The following INTS9 variants were observed in gnomAD, a reference collection of about 807,000 sequenced individuals.
INTS9 encodes protein related to CPSF subunits of 74 kDa.
In INTS9, 55 loss-of-function variants were observed where a neutral mutation model predicts 79.7. The observed-to-expected ratio is 0.69, with a 90% CI of 0.56 to 0.86. The LOEUF is 0.86. Among genes scored for constraint, INTS9 ranks in the 40% least tolerant of loss-of-function variants. INTS9 has a pLI of 0.00. For missense variants in INTS9, 721 were observed against 831.5 expected (o/e 0.87, Z 1.64); for synonymous variants, 319 against 325.2 (o/e 0.98, Z 0.20).
intron 6 of INTS9, among the ~76,000 whole-genome samples, chr8:28,831,549 A>G (rs987982306): frequency 1.3e-5 from 2 of 152,126 alleles, no homozygotes; most frequent in African/African-American, 4.8e-5. Context: ...AGCCTCATTC[A>G]TACTCTCCGT....
At chr8:28,859,766 C>T (rs913600234) in intron 1 of INTS9, 2 of 649,658 alleles carry the variant, frequency 3.1e-6, no homozygotes, top group African/African-American at 3.6e-5. Flanking sequence ...CAGATCACAC[C>T]CATCTGTCTT....
At chr8:28,854,029 C>G (rs1808006208) in intron 2 of INTS9, among the ~76,000 whole-genome samples, 1 of 152,028 alleles carries the variant, frequency 6.6e-6, no homozygotes, top group Non-Finnish European at 1.5e-5. Flanking sequence ...CCCACAATTT[C>G]TTTTTTATTT....
At chr8:28,819,700 G>A (rs1301176327) in intron 6 of INTS9, among the ~76,000 whole-genome samples, 1 of 151,956 alleles carries the variant, frequency 6.6e-6, no homozygotes, top group South Asian at 2.1e-4. Flanking sequence ...TCAATTCCTG[G>A]GTATCCTTAT....
At chr8:28,855,985 A>T (rs1233930097) in intron 2 of INTS9, among the ~76,000 whole-genome samples, 7 of 152,244 alleles carry the variant, frequency 4.6e-5, no homozygotes, top group African/African-American at 1.7e-4. Context: ...TAAATTGGTA[A>T]AGGCAATTAG....
At chr8:28,877,948 T>C (rs1342703884) in intron 1 of INTS9, among the ~76,000 whole-genome samples, 4 of 152,168 alleles carry the variant, frequency 2.6e-5, no homozygotes, top group Non-Finnish European at 4.4e-5. Flanking sequence ...CTAAAAGTAT[T>C]TGAAAGCAGT....
chr8:28,870,349 C>CTTTTTTT (rs10580665), intron 1 of INTS9, among the ~76,000 whole-genome samples: 5 of 80,574 alleles, frequency 6.2e-5, no homozygotes, highest in African/African-American at 9.6e-5. Flanking sequence ...CAGAAAAAAG[C>CTTTTTTT]TTTTTTTTTT....
intron 8 of INTS9, among the ~76,000 whole-genome samples, chr8:28,808,676 A>G (rs555240075): frequency 3.3e-5 from 5 of 152,210 alleles, no homozygotes; most frequent in Non-Finnish European, 7.3e-5. Context: ...ACCATTCTCA[A>G]TGTCATGCAG....
At chr8:28,787,535 C>G (rs1173929180) in intron 11 of INTS9, among the ~76,000 whole-genome samples, 1 of 152,188 alleles carries the variant, frequency 6.6e-6, no homozygotes, top group Non-Finnish European at 1.5e-5. Flanking sequence ...TGATTTCAGA[C>G]TTTCAAATTT....
rs752918898 is a variant in INTS9, at chr8:28,780,887, G to A, written c.1206C>T (p.Phe402=). ...VVFTGHPSLR[F]GDVVHFMELW... ...GCTCCATGAAGTGGACCACGTCCCC[G>A]AAGCGGAGGGAAGGGTGCCCGGTGA... is the stretch of plus-strand genomic sequence containing the variant. Residue 402 remains phenylalanine (F), a synonymous_variant, in exon 12 of 17, where the codon TTC becomes TTT. Coordinates refer to ENST00000521022, the MANE Select transcript of INTS9 (RefSeq NM_018250.4). 1.1e-5 allele frequency: 18 copies of A among 1,614,000 alleles called. No individual in the cohort carries two copies. The highest frequency in any genetic ancestry group is 4.5e-5 in the East Asian group (2 of 44,900).
At chr8:28,786,939 G>A (rs574757888) in intron 11 of INTS9, among the ~76,000 whole-genome samples, 4 of 151,856 alleles carry the variant, frequency 2.6e-5, no homozygotes, top group Non-Finnish European at 2.9e-5. Context: ...GGATGGTCTC[G>A]ATCTCCTGAC....
At chr8:28,877,244 CT>C (rs1809444275) in intron 1 of INTS9, among the ~76,000 whole-genome samples, 2 of 151,796 alleles carry the variant, frequency 1.3e-5, no homozygotes, top group Admixed American at 1.3e-4. Context: ...TAGTTTACTA[CT>C]GGAATATTAA....
intron 2 of INTS9, among the ~76,000 whole-genome samples, chr8:28,854,997 G>A (rs1203689010): frequency 6.6e-6 from 1 of 152,128 alleles, no homozygotes; most frequent in Non-Finnish European, 1.5e-5. Flanking sequence ...GTATTCCATG[G>A]TGAACAGCCC....
At chr8:28,869,060 C>T (rs549461553) in intron 1 of INTS9, among the ~76,000 whole-genome samples, 1 of 152,004 alleles carries the variant, frequency 6.6e-6, no homozygotes, top group Non-Finnish European at 1.5e-5. Flanking sequence ...CACCATTGCA[C>T]TCCATCCTGG....
rs774785377 is a variant in INTS9, at chr8:28,769,930, C to T, written c.1759G>A (p.Gly587Ser). The T allele has an allele frequency of 9.9e-6, 16 of 1,614,116 alleles. No individual in the cohort carries two copies. The highest frequency in any genetic ancestry group is 6.6e-5 in the South Asian group (6 of 91,092). ...ACGAACTGCTCCACAGGGATGGAAC[C>T]GCTCAACAAAGGCTTCAGGACTTTG... ...DCKVLKPLLS[G>S]SIPVEQFVQT... is the part of the protein sequence containing the mutation. Residue 587 changes from glycine (G) to serine (S), a missense_variant, in exon 16 of 17, where the codon GGT (glycine) becomes AGT (serine). This residue lies in a region of INTS9 where 281 missense variants were observed against 300.8 expected (regional missense o/e 0.93). Transcript: ENST00000521022.
chr8:28,862,280 AT>A lies in INTS9; in HGVS notation c.10-2718del, dbSNP rs747410950. 8 of 918,558 alleles carry A rather than the reference AT, an allele frequency of 8.7e-6. No individual in the cohort carries two copies. The East Asian group carries it at 9.4e-4, about 108-fold the overall frequency. The allele number at this position is 918,558 out of a possible 1,614,324, so 56.9% of individuals were successfully genotyped here. On this transcript the variant is annotated intron_variant, in intron 1 of 16. Coordinates refer to ENST00000521022, the MANE Select transcript of INTS9 (RefSeq NM_018250.4). ...CTACAATCACACCAATCTGATTATC[AT>A]TTTTATATTCCATCTTTTTTCATAT...
intron 12 of INTS9, among the ~76,000 whole-genome samples, chr8:28,778,839 A>G (rs1056574369): frequency 1.3e-5 from 2 of 152,200 alleles, no homozygotes; most frequent in African/African-American, 4.8e-5. Context: ...GCTGCCAGGT[A>G]CATAAATGCC....
chr8:28,872,312 A>C (rs1465644232), intron 1 of INTS9, among the ~76,000 whole-genome samples: 2 of 152,194 alleles, frequency 1.3e-5, no homozygotes, highest in Non-Finnish European at 2.9e-5. Flanking sequence ...TAAAAACCAA[A>C]ATTTCAACAG....
chr8:28,774,214 A>T (rs1802737415), intron 14 of INTS9, among the ~76,000 whole-genome samples: 1 of 152,242 alleles, frequency 6.6e-6, no homozygotes, highest in Non-Finnish European at 1.5e-5. Context: ...CAGACAAGGC[A>T]AATACATCAA....
At chr8:28,777,988 A>G in intron 12 of INTS9, 35 bp from the exon 13 acceptor site, 1 of 1,579,518 alleles carries the variant, frequency 6.3e-7, no homozygotes, top group South Asian at 1.2e-5. Context: ...CTTACAATGC[A>G]GACTACACAG....
Sources: allele counts gnomAD v4.1 joint callset (sites outside exome capture counted in the v4.1 genomes callset), GRCh38; gene constraint gnomAD v4.1.1; regional missense constraint gnomAD v4.1.1; transcripts MANE v1.5; gene names NCBI Gene and HGNC (gene_info 2026-07-23, HGNC 2026-07-21).